The following ADCY2 variants were observed in gnomAD, a reference collection of about 807,000 sequenced individuals.
ADCY2 encodes the protein adenylate cyclase type 2.
Under a neutral mutation model 125.2 loss-of-function variants are expected in ADCY2, and 31 were observed. The ratio of observed to expected loss-of-function variants is 0.25; its 90% CI spans 0.19 to 0.33. The LOEUF is 0.33. ADCY2 is among the 10% of genes least tolerant of loss of function. The probability of loss-of-function intolerance (pLI) is 1.00; values close to 1 mark genes in which losing one functional copy is unlikely to be tolerated. For synonymous variants in ADCY2, 512 were observed against 548.4 expected, an observed-to-expected ratio of 0.93 and a Z score of 0.93; for missense variants, 904 against 1,418.2, an observed-to-expected ratio of 0.64 and a Z score of 5.82.
intron 3 of ADCY2, among the ~76,000 whole-genome samples, chr5:7,615,208 G>T (rs966807789): frequency 3.9e-5 from 6 of 152,076 alleles, no homozygotes; most frequent in Non-Finnish European, 7.3e-5. Flanking sequence ...TTCAACACTG[G>T]GGACTACAAT....
At chr5:7,796,707 C>G (rs1744432079) in intron 20 of ADCY2, 1 of 152,210 alleles carries the variant, frequency 6.6e-6, no homozygotes, top group African/African-American at 2.4e-5. Context: ...TGGCCAGATT[C>G]AGCCCACACA....
chr5:7,649,500 A>G (rs1344633764), intron 4 of ADCY2, among the ~76,000 whole-genome samples: 2 of 152,230 alleles, frequency 1.3e-5, no homozygotes, highest in African/African-American at 4.8e-5. Context: ...TGTTTATTGT[A>G]TTTATGTGGG....
chr5:7,666,714 C>T (rs1469589757), intron 4 of ADCY2, among the ~76,000 whole-genome samples: 1 of 152,224 alleles, frequency 6.6e-6, no homozygotes, highest in Admixed American at 6.5e-5. Context: ...CACATGGGGC[C>T]TCAGTGCCAG....
chr5:7,552,571 T>G (rs1735375561), intron 3 of ADCY2, among the ~76,000 whole-genome samples: 1 of 152,236 alleles, frequency 6.6e-6, no homozygotes, highest in Non-Finnish European at 1.5e-5. Flanking sequence ...TAGAAATATT[T>G]ATTGAACACG....
chr5:7,474,612 G>A (rs1423438827), intron 2 of ADCY2, among the ~76,000 whole-genome samples: 1 of 152,218 alleles, frequency 6.6e-6, no homozygotes, highest in Admixed American at 6.5e-5. Flanking sequence ...GACTGCTAAA[G>A]GAATGAATAA....
At chr5:7,663,304 C>G (rs1739599432) in intron 4 of ADCY2, among the ~76,000 whole-genome samples, 1 of 152,214 alleles carries the variant, frequency 6.6e-6, no homozygotes, top group Non-Finnish European at 1.5e-5. Flanking sequence ...GCATAAATGG[C>G]CCAGTGAAAA....
Position 7,720,461 on chromosome 5 carries a change from A to C in ADCY2, c.1703+3224A>C, listed in dbSNP as rs1037550234. On this transcript the variant is annotated intron_variant, in intron 12 of 24. Coordinates refer to ENST00000338316, the MANE Select transcript of ADCY2 (RefSeq NM_020546.3). ...TGTGCACAACGTGCAGGTTTGTTACATGTGTATACATGTGCCATGTTGGTG... is the reference window on the plus strand; with the variant it reads ...TGTGCACAACGTGCAGGTTTGTTACCTGTGTATACATGTGCCATGTTGGTG... Among the ~76,000 whole-genome samples the C allele has an allele frequency of 4.0e-5, 6 of 148,378 alleles. No homozygotes were observed. In the East Asian group the frequency reaches 1.2e-3, roughly 29 times the overall value.
chr5:7,471,630 A>G (rs754750065), intron 2 of ADCY2, among the ~76,000 whole-genome samples: 52 of 152,036 alleles, frequency 3.4e-4, no homozygotes, highest in Non-Finnish European at 1.2e-4. Context: ...TAAAAGGTAA[A>G]AATATGTTTA....
chr5:7,796,828 T>A (rs1432972258), intron 20 of ADCY2: 1 of 152,216 alleles, frequency 6.6e-6, no homozygotes, highest in Non-Finnish European at 1.5e-5. Flanking sequence ...GAAAAGCCCC[T>A]TCAATGGGCA....
At chr5:7,657,694 C>A (rs1266402285) in intron 4 of ADCY2, among the ~76,000 whole-genome samples, 1 of 152,206 alleles carries the variant, frequency 6.6e-6, no homozygotes, top group Non-Finnish European at 1.5e-5. Context: ...GGGTTAATCA[C>A]CTAAGTTCGC....
chr5:7,762,523 G>C (rs1743254651), intron 16 of ADCY2, among the ~76,000 whole-genome samples: 1 of 152,216 alleles, frequency 6.6e-6, no homozygotes. Flanking sequence ...ACCTGTGCAG[G>C]GTGGTGCAAG....
intron 14 of ADCY2, among the ~76,000 whole-genome samples, chr5:7,729,729 TC>T (rs1233154319): frequency 1.3e-5 from 2 of 149,894 alleles, no homozygotes; most frequent in African/African-American, 2.4e-5. Context: ...TATATTTTTT[TC>T]ATTAAAGATT....
At chr5:7,750,268 G>GT (rs1742763710) in intron 15 of ADCY2, among the ~76,000 whole-genome samples, 1 of 151,766 alleles carries the variant, frequency 6.6e-6, no homozygotes, top group East Asian at 1.9e-4. Context: ...ACTCTAGTTT[G>GT]TTTTTTCAGT....
chr5:7,789,616 T>C, intron 19 of ADCY2, 26 bp from the exon 20 acceptor site: 2 of 1,604,796 alleles, frequency 1.2e-6, no homozygotes, highest in Non-Finnish European at 1.7e-6. Flanking sequence ...CTATTGTTTC[T>C]TTACCTCTGT....
chr5:7,720,151 C>T (rs766635110), intron 12 of ADCY2, among the ~76,000 whole-genome samples: 1 of 152,126 alleles, frequency 6.6e-6, no homozygotes, highest in Non-Finnish European at 1.5e-5. Context: ...AGCACACACA[C>T]ATTCCCTCTC....
At chr5:7,715,085 C>T (rs993708126) in intron 11 of ADCY2, among the ~76,000 whole-genome samples, 1 of 152,168 alleles carries the variant, frequency 6.6e-6, no homozygotes, top group African/African-American at 2.4e-5. Context: ...AATGAAGACT[C>T]CTGGTGGGGA....
intron 3 of ADCY2, among the ~76,000 whole-genome samples, chr5:7,543,361 TG>T (rs1735053507): frequency 6.6e-6 from 1 of 152,218 alleles, no homozygotes; most frequent in South Asian, 2.1e-4. Flanking sequence ...TTTAATTAAT[TG>T]GATTAGTATT....
intron 4 of ADCY2, among the ~76,000 whole-genome samples, chr5:7,646,364 A>T (rs1738896897): frequency 6.6e-6 from 1 of 151,272 alleles, no homozygotes. Context: ...ACACATATTT[A>T]TAGAAATAGT....
chr5:7,735,696 AC>A (rs1742228102), intron 14 of ADCY2, among the ~76,000 whole-genome samples: 1 of 152,200 alleles, frequency 6.6e-6, no homozygotes, highest in Non-Finnish European at 1.5e-5. Flanking sequence ...TGATATACAA[AC>A]CTTTTTACTT....
Sources: allele counts gnomAD v4.1 joint callset (sites outside exome capture counted in the v4.1 genomes callset), GRCh38; gene constraint gnomAD v4.1.1; transcripts MANE v1.5; gene names NCBI Gene and HGNC (gene_info 2026-07-23, HGNC 2026-07-21).